Variants in PCDHGA4 observed in about 807,000 individuals in gnomAD.
PCDHGA4 encodes the protein protocadherin gamma-A4.
PCDHGA4 carries 38 observed loss-of-function variants against 54.6 expected under a neutral mutation model. The observed-to-expected ratio is 0.70, with a 90% CI of 0.54 to 0.91. The LOEUF is 0.91. PCDHGA4 is among the 40% of genes least tolerant of loss of function. The pLI is 0.00. For synonymous variants in PCDHGA4, 511 were observed against 512.9 expected, an observed-to-expected ratio of 1.00 and a Z score of 0.05; for missense variants, 1,298 against 1,220.9, an observed-to-expected ratio of 1.06 and a Z score of -0.94.
chr5:141,383,951 C>CT (rs1779634638), intron 1 of PCDHGA4: 1 of 1,613,676 alleles, frequency 6.2e-7, no homozygotes, highest in African/African-American at 1.3e-5. Context: ...ACTATGACGT[C>CT]TTTAAGTAGC....
At chr5:141,483,487 A>G (rs777951096) in intron 1 of PCDHGA4, among the ~76,000 whole-genome samples, 4 of 152,006 alleles carry the variant, frequency 2.6e-5, no homozygotes, top group Non-Finnish European at 5.9e-5. Context: ...AGTGAGGGAC[A>G]GGGATGAGTC....
Position 141,505,383 on chromosome 5 carries a change from C to T in PCDHGA4, c.2574-10C>T, listed in dbSNP as rs369765886. On this transcript the variant is annotated splice_polypyrimidine_tract_variant and intron_variant, in intron 2 of 3. Coordinates refer to ENST00000571252, the MANE Select transcript of PCDHGA4 (RefSeq NM_018917.4). Reference sequence around the variant, plus strand: ...GGGAGTCTGTGCTCACCATCCTACTCTCTCCCCAGCTCCCAAAATGGCGAT... The same window carrying T: ...GGGAGTCTGTGCTCACCATCCTACTTTCTCCCCAGCTCCCAAAATGGCGAT... The T allele has an allele frequency of 1.2e-6, 2 of 1,613,944 alleles. No individual in the cohort carries two copies. Among genetic ancestry groups the T allele is most frequent in the African/African-American group, 2.7e-5 (2 of 74,914 alleles).
chr5:141,368,754 T>C (rs537893432), intron 1 of PCDHGA4, among the ~76,000 whole-genome samples: 30 of 152,222 alleles, frequency 2.0e-4, no homozygotes, highest in Non-Finnish European at 3.5e-4. Flanking sequence ...TTTAAATATC[T>C]GAATCTTTAG....
At chr5:141,417,602 C>G in intron 1 of PCDHGA4, 1 of 510,170 alleles carries the variant, frequency 2.0e-6, no homozygotes, top group Middle Eastern at 5.2e-4. Context: ...TGGGCGCCGC[C>G]GTCGGCCAGT....
intron 1 of PCDHGA4, chr5:141,403,598 G>T: frequency 6.2e-7 from 1 of 1,613,820 alleles, no homozygotes; most frequent in Non-Finnish European, 8.5e-7. Context: ...CACGGCCTCG[G>T]ATGGCGGCGA....
intron 1 of PCDHGA4, chr5:141,410,860 T>TTTTTTTTTTTTTTTTTTG: frequency 2.3e-6 from 1 of 442,030 alleles, no homozygotes; most frequent in Non-Finnish European, 3.7e-6. Flanking sequence ...TTTTTTTTTT[T>TTTTTTTTTTTTTTTTTTG]TTTTTTTTTT....
At chr5:141,409,729 G>A (rs781234442) in intron 1 of PCDHGA4, 161 of 1,612,966 alleles carry the variant, frequency 1.0e-4, no homozygotes, top group Non-Finnish European at 1.7e-6. Context: ...CAGTGAGCGC[G>A]CAGAGCGGGG....
chr5:141,450,758 A>G (rs1007910264), intron 1 of PCDHGA4, among the ~76,000 whole-genome samples: 2 of 151,784 alleles, frequency 1.3e-5, no homozygotes, highest in African/African-American at 4.8e-5. Flanking sequence ...AAGTGCCGGG[A>G]TTACAGGCAT....
At chr5:141,374,134 C>T in intron 1 of PCDHGA4, 4 of 1,605,352 alleles carry the variant, frequency 2.5e-6, no homozygotes, top group Non-Finnish European at 3.4e-6. Context: ...TCCTGCTCCT[C>T]ACGCTCCTGG....
At chr5:141,417,937 C>T (rs571233315) in intron 1 of PCDHGA4, 2 of 1,612,530 alleles carry the variant, frequency 1.2e-6, no homozygotes, top group South Asian at 1.1e-5. Context: ...CTTTGTTCTA[C>T]CCCACGCTGT....
At chr5:141,501,329 ACACACC>A (rs1456568693) in intron 2 of PCDHGA4, among the ~76,000 whole-genome samples, 16 of 148,226 alleles carry the variant, frequency 1.1e-4, no homozygotes, top group Non-Finnish European at 2.2e-4. Context: ...ACACACACAC[ACACACC>A]CCAAACTCAA....
rs374896827 is a variant in PCDHGA4 at position 141,366,348 on chromosome 5, C to A, written c.2514+8727C>A. 54 of 1,613,830 alleles carry A rather than the reference C, an allele frequency of 3.3e-5. No individual in the cohort carries two copies. In the African/African-American group the frequency reaches 6.7e-4, roughly 20 times the overall value. On this transcript the variant is annotated intron_variant, in intron 1 of 3. Transcript: ENST00000571252. ...GCCGACAGGATCCCTGACATCCTGG[C>A]TGACCTAGGCAGTATCAAGACCCCC...
chr5:141,415,761 T>TG (rs1485369884), intron 1 of PCDHGA4: 1 of 1,399,490 alleles, frequency 7.1e-7, no homozygotes, highest in Non-Finnish European at 9.3e-7. Flanking sequence ...TTTTTTTTTT[T>TG]TTTTTTTTTT....
At chr5:141,429,378 T>TTTG (rs2097208019) in intron 1 of PCDHGA4, among the ~76,000 whole-genome samples, 1 of 105,336 alleles carries the variant, frequency 9.5e-6, no homozygotes, top group African/African-American at 5.2e-5. Flanking sequence ...AGAAAATGTG[T>TTTG]TTTTTTTTTA....
rs2099687715 is a variant in PCDHGA4, at chr5:141,489,479, T to G, written c.2515-5328T>G. 1.2e-6 allele frequency: 2 copies of G among 1,614,090 alleles called. No individual in the cohort carries two copies. The highest frequency in any genetic ancestry group is 1.7e-6 in the Non-Finnish European group (2 of 1,180,010). ...GGGCGCTATTTTTCCCTGAGCTTGATGAGTGGTGCCCTGGCAGTGAATCAA... is the reference window on the plus strand; with the variant it reads ...GGGCGCTATTTTTCCCTGAGCTTGAGGAGTGGTGCCCTGGCAGTGAATCAA... On this transcript the variant is annotated intron_variant, in intron 1 of 3. Transcript: ENST00000571252. This position sits in a 1 kb window ranked among gnomAD's most constrained non-coding sequence, Gnocchi z 4.5.
intron 1 of PCDHGA4, chr5:141,403,981 T>C (rs374013287): frequency 1.4e-5 from 23 of 1,613,600 alleles, no homozygotes; most frequent in Admixed American, 1.2e-4. Flanking sequence ...TAAATGACAA[T>C]AGACCTGAAG....
At chr5:141,396,952 A>G (rs2093458879) in intron 1 of PCDHGA4, among the ~76,000 whole-genome samples, 1 of 152,196 alleles carries the variant, frequency 6.6e-6, no homozygotes, top group African/African-American at 2.4e-5. Context: ...AGGAAAGAAA[A>G]TCCTTACTCT....
chr5:141,364,627 C>A, intron 1 of PCDHGA4: 2 of 1,614,112 alleles, frequency 1.2e-6, no homozygotes, highest in South Asian at 1.1e-5. Context: ...GCGCTCAGAG[C>A]CCACTGTGTG....
intron 1 of PCDHGA4, chr5:141,371,970 C>T: frequency 6.2e-7 from 1 of 1,613,250 alleles, no homozygotes; most frequent in East Asian, 2.2e-5. Context: ...CGAGCAGCTG[C>T]GTGCCTTCGA....
Sources: gnomAD v4.1 joint callset for allele counts (sites outside exome capture counted in the v4.1 genomes callset) on GRCh38, gnomAD v4.1.1 for gene constraint, Gnocchi (gnomAD v3.1) non-coding constraint, MANE v1.5 for transcripts, NCBI Gene and HGNC (gene_info 2026-07-23, HGNC 2026-07-21) for gene names.